The following GNB1 variants were observed in gnomAD, a reference collection of about 807,000 sequenced individuals.
The protein encoded by GNB1 is G protein subunit beta 1, also known as guanine nucleotide-binding protein G(I)/G(S)/G(T) subunit beta-1.
A neutral mutation model predicts 42.9 loss-of-function variants in GNB1; 2 were observed. The observed-to-expected ratio is 0.05, with a 90% CI of 0.02 to 0.15. The LOEUF is 0.15. Among genes scored for constraint, GNB1 ranks in the 10% least tolerant of loss-of-function variants. The pLI, the probability that GNB1 is intolerant of heterozygous loss-of-function variation, is 1.00. For synonymous variants in GNB1, 183 were observed against 174.7 expected (o/e 1.05, Z -0.38); for missense variants, 193 against 462.2 (o/e 0.42, Z 5.34).
At chr1:1,876,692 G>A (rs1279910937) in intron 1 of GNB1, among the ~76,000 whole-genome samples, 2 of 152,204 alleles carry the variant, frequency 1.3e-5, no homozygotes, top group Non-Finnish European at 2.9e-5. Flanking sequence ...CAGGAATGAA[G>A]GCAGAGTCAA....
In GNB1 at chr1:1,787,091, C is replaced by T; in HGVS notation, c.*10-38G>A. On this transcript the variant is annotated intron_variant, in intron 11 of 11. Transcript: ENST00000378609. This position sits in a 1 kb window ranked among gnomAD's most constrained non-coding sequence, Gnocchi z 4.4. Reference sequence around the variant, plus strand: ...GAGTTTAAAGAAATGTGAAAAGAGGCAGAGAATCTAAGTGCAGACGCACAG... The same window carrying T: ...GAGTTTAAAGAAATGTGAAAAGAGGTAGAGAATCTAAGTGCAGACGCACAG... 2.5e-6 allele frequency: 1 copy of T among 393,604 alleles called. No homozygotes were observed. Among genetic ancestry groups the T allele is most frequent in the South Asian group, 3.2e-5 (1 of 31,252 alleles). 24.4% of individuals were successfully genotyped at this position (393,604 alleles called of 1,614,324 possible).
At chr1:1,824,368 T>C (rs1441062526) in intron 3 of GNB1, among the ~76,000 whole-genome samples, 1 of 152,064 alleles carries the variant, frequency 6.6e-6, no homozygotes, top group Non-Finnish European at 1.5e-5. Context: ...AGAGAATTGC[T>C]TGAAAGAGGT....
intron 6 of GNB1, among the ~76,000 whole-genome samples, chr1:1,805,495 A>G (rs191083157): frequency 3.5e-4 from 54 of 152,236 alleles, no homozygotes; most frequent in Middle Eastern, 6.8e-3. Flanking sequence ...TATTGGAAGG[A>G]AAACACTGCA....
At chr1:1,857,341 CTTTCT>C (rs1648362748) in intron 1 of GNB1, among the ~76,000 whole-genome samples, 1 of 152,162 alleles carries the variant, frequency 6.6e-6, no homozygotes, top group Admixed American at 6.6e-5. Context: ...TTCCAGTGTG[CTTTCT>C]CTGCTCCTCT....
intron 7 of GNB1, among the ~76,000 whole-genome samples, chr1:1,800,225 G>A (rs184965475): frequency 6.6e-6 from 1 of 152,316 alleles, no homozygotes; most frequent in East Asian, 1.9e-4. Flanking sequence ...ATGAGATGCT[G>A]GGATCAGCAG....
chr1:1,835,043 T>C (rs1421973144), intron 2 of GNB1, among the ~76,000 whole-genome samples: 1 of 152,122 alleles, frequency 6.6e-6, no homozygotes, highest in Non-Finnish European at 1.5e-5. Context: ...CCATCTGCAC[T>C]CCAGTATATA....
At chr1:1,839,912 T>C (rs1248254511) in intron 1 of GNB1, among the ~76,000 whole-genome samples, 2 of 151,912 alleles carry the variant, frequency 1.3e-5, no homozygotes, top group African/African-American at 4.8e-5. Flanking sequence ...CCCAACACTT[T>C]GGGAGGCTGA....
chr1:1,832,231 C>A (rs1193157065), intron 2 of GNB1: 1 of 152,002 alleles, frequency 6.6e-6, no homozygotes, highest in African/African-American at 2.4e-5. Context: ...GTCTTACTCA[C>A]ATTTAATTGC....
intron 7 of GNB1, among the ~76,000 whole-genome samples, chr1:1,798,571 G>C (rs1314325022): frequency 2.0e-5 from 3 of 152,174 alleles, no homozygotes; most frequent in African/African-American, 7.2e-5. Context: ...AATGATCCAG[G>C]CAAGGGCCGC....
In GNB1 at chr1:1,790,233, G is replaced by T. The variant is rs1324311106; in HGVS notation, c.699+162C>A. 6.6e-6 allele frequency among the ~76,000 whole-genome samples: 1 copy of T among 152,244 alleles called. No homozygotes were observed. The highest frequency in any genetic ancestry group is 1.9e-4 in the East Asian group (1 of 5,198). ...ATCTGTGAGACAAGTGGTCAACACA[G>T]AGAAGTTTCCCATCGGGAGTTTTCT... On this transcript the variant is annotated intron_variant, in intron 9 of 11. Coordinates refer to ENST00000378609, the MANE Select transcript of GNB1 (RefSeq NM_002074.5). This position sits in a 1 kb window ranked among gnomAD's most constrained non-coding sequence, Gnocchi z 5.4.
At chr1:1,800,130 T>C (rs958649116) in intron 7 of GNB1, among the ~76,000 whole-genome samples, 1 of 152,124 alleles carries the variant, frequency 6.6e-6, no homozygotes, top group Non-Finnish European at 1.5e-5. Context: ...CAGAATACAA[T>C]TTGAAATTAC....
At chr1:1,844,120 G>A (rs772111092) in intron 1 of GNB1, among the ~76,000 whole-genome samples, 6 of 151,876 alleles carry the variant, frequency 4.0e-5, no homozygotes, top group Non-Finnish European at 5.9e-5. Flanking sequence ...GCGTGACCTC[G>A]GGAGGCAGAG....
intron 7 of GNB1, among the ~76,000 whole-genome samples, chr1:1,798,928 T>A (rs1351308057): frequency 6.6e-6 from 1 of 150,766 alleles, no homozygotes; most frequent in African/African-American, 2.5e-5. Context: ...AAACACTCTT[T>A]TTTTTTTTTT....
intron 7 of GNB1, among the ~76,000 whole-genome samples, chr1:1,803,873 T>C (rs1189007382): frequency 1.3e-5 from 2 of 150,306 alleles, no homozygotes; most frequent in Non-Finnish European, 3.0e-5. Context: ...TCCCAGCTAC[T>C]TGGGAGGCTG....
chr1:1,817,207 T>C (rs1264357672), intron 4 of GNB1, among the ~76,000 whole-genome samples: 1 of 152,242 alleles, frequency 6.6e-6, no homozygotes, highest in African/African-American at 2.4e-5. Context: ...TACATAGCCA[T>C]TTGTTTGGCT....
Position 1,787,218 on chromosome 1 carries a change from G to A in GNB1, c.*9+104C>T, listed in dbSNP as rs748526171. 2 of 705,270 alleles carry A rather than the reference G, an allele frequency of 2.8e-6. No homozygotes were observed. Among genetic ancestry groups the A allele is most frequent in the Non-Finnish European group, 5.0e-6 (2 of 401,062 alleles). The allele number at this position is 705,270 out of a possible 1,614,324, so 43.7% of individuals were successfully genotyped here. A position where few individuals can be genotyped will look rare whatever the true frequency, so the allele number is the denominator to read the frequency against. Reference sequence around the variant, plus strand: ...TCCCACAACACAATTCCAAATCAATGCTACATCAACATTTATCTAGAAACC... The same window carrying A: ...TCCCACAACACAATTCCAAATCAATACTACATCAACATTTATCTAGAAACC... On this transcript the variant is annotated intron_variant, in intron 11 of 11. Transcript: ENST00000378609. The surrounding 1 kb of genome is among the most constrained non-coding windows in gnomAD (Gnocchi z 4.4).
At chr1:1,796,268 A>G (rs981694627) in intron 7 of GNB1, among the ~76,000 whole-genome samples, 15 of 152,216 alleles carry the variant, frequency 9.9e-5, no homozygotes, top group African/African-American at 2.9e-4. Flanking sequence ...GGGTGCAAGC[A>G]TACTCCATGA....
intron 1 of GNB1, among the ~76,000 whole-genome samples, chr1:1,875,745 A>G (rs1649508317): frequency 6.6e-6 from 1 of 152,170 alleles, no homozygotes; most frequent in Non-Finnish European, 1.5e-5. Flanking sequence ...AAGGCTGGCC[A>G]CAAGGGGAAT....
chr1:1,816,124 C>T (rs923395690), intron 4 of GNB1, among the ~76,000 whole-genome samples: 12 of 152,232 alleles, frequency 7.9e-5, no homozygotes, highest in African/African-American at 2.9e-4. Flanking sequence ...CCTTGAAGCA[C>T]TTGCTGTTCC....
Sources: allele counts gnomAD v4.1 joint callset (sites outside exome capture counted in the v4.1 genomes callset), GRCh38; gene constraint gnomAD v4.1.1; non-coding constraint Gnocchi (gnomAD v3.1); transcripts MANE v1.5; gene names NCBI Gene and HGNC (gene_info 2026-07-23, HGNC 2026-07-21).